OPRM1: variants seen among roughly 807,000 people sequenced by gnomAD.
OPRM1 encodes the protein opioid receptor mu 1, also known as mu-type opioid receptor.
A neutral mutation model predicts 31.8 loss-of-function variants in OPRM1; 27 were observed. The ratio of observed to expected loss-of-function variants is 0.85; its 90% confidence interval spans 0.63 to 1.17. The LOEUF is 1.17. Ranked by LOEUF, OPRM1 falls within the 50% of genes most tolerant of loss-of-function variation. The pLI is 0.00. For synonymous variants in OPRM1, 196 were observed against 189.9 expected (o/e 1.03, Z -0.26); for missense variants, 536 against 511.1 (o/e 1.05, Z -0.47).
intron 3 of OPRM1, among the ~76,000 whole-genome samples, chr6:154,210,205 T>G (rs1562543111): frequency 6.6e-6 from 1 of 152,234 alleles, no homozygotes; most frequent in African/African-American, 2.4e-5. Context: ...TTCACCAGTG[T>G]GTTCTAGATG....
chr6:154,114,889 AC>A (rs1297564325), intron 3 of OPRM1, among the ~76,000 whole-genome samples: 5 of 151,184 alleles, frequency 3.3e-5, no homozygotes, highest in African/African-American at 7.3e-5. Context: ...AAAAAAAAAA[AC>A]AAAAAACTTG....
chr6:154,138,154 A>G (rs1798105600), intron 3 of OPRM1, among the ~76,000 whole-genome samples: 1 of 152,184 alleles, frequency 6.6e-6, no homozygotes, highest in African/African-American at 2.4e-5. Flanking sequence ...TTACTAGCAT[A>G]TTCTTAAACT....
At chr6:154,175,591 G>A (rs1049806993) in intron 3 of OPRM1, among the ~76,000 whole-genome samples, 1 of 151,926 alleles carries the variant, frequency 6.6e-6, no homozygotes, top group Non-Finnish European at 1.5e-5. Flanking sequence ...AGAAATTCAT[G>A]GACACATACA....
intron 3 of OPRM1, among the ~76,000 whole-genome samples, chr6:154,100,896 T>C (rs1445114417): frequency 1.3e-5 from 2 of 148,446 alleles, no homozygotes; most frequent in Admixed American, 6.8e-5. Flanking sequence ...TATATATGTA[T>C]ATATAATCCA....
intron 3 of OPRM1, among the ~76,000 whole-genome samples, chr6:154,140,550 A>G (rs1256375049): frequency 6.6e-6 from 1 of 152,072 alleles, no homozygotes; most frequent in African/African-American, 2.4e-5. Context: ...GGCTGGTCTC[A>G]AATTCCTGAC....
intron 3 of OPRM1, among the ~76,000 whole-genome samples, chr6:154,197,054 CTCT>C (rs1056770114): frequency 6.6e-6 from 1 of 152,090 alleles, no homozygotes; most frequent in African/African-American, 2.4e-5. Flanking sequence ...GGATGAAAGC[CTCT>C]TCTTCCAGCA....
intron 1 of OPRM1, among the ~76,000 whole-genome samples, chr6:154,071,504 C>G (rs1562426440): frequency 6.6e-6 from 1 of 152,098 alleles, no homozygotes; most frequent in African/African-American, 2.4e-5. Context: ...CAAGTACACT[C>G]TATTATCCAT....
At chr6:154,086,213 C>G (rs1790528398) in intron 1 of OPRM1, among the ~76,000 whole-genome samples, 1 of 152,134 alleles carries the variant, frequency 6.6e-6, no homozygotes, top group African/African-American at 2.4e-5. Context: ...AATTGGAATT[C>G]TTAATCCTTT....
Position 154,130,946 on chromosome 6 carries a change from TTA to T in OPRM1, c.*12227_*12228del, listed in dbSNP as rs1241521470. 2.6e-5 allele frequency among the ~76,000 whole-genome samples: 4 copies of T among 152,128 alleles called. No homozygotes were observed. The highest frequency in any genetic ancestry group is 5.9e-5 in the Non-Finnish European group (4 of 68,016). ...GAGTGATCTTGTTGTTTTCATTTTA[TTA>T]TGTTATATGAAAAAAAGAAACCTTG... On this transcript the variant is annotated 3_prime_UTR_variant, in exon 4 of 4. Transcript: ENST00000330432.
At chr6:154,244,772 C>T (rs1361149766) in intron 3 of OPRM1, among the ~76,000 whole-genome samples, 1 of 152,198 alleles carries the variant, frequency 6.6e-6, no homozygotes. Flanking sequence ...GGGACAGCAG[C>T]CAGAACATAT....
At position 154,168,365 on chromosome 6, in the gene OPRM1, G is replaced by T. The variant is rs1157894869; in HGVS notation, c.1164+76893G>T. ...CAAGCCTCTCTCCTGGCTTCAAGTG[G>T]TTTTTTGGTTTGTGGCAGTATAACT... On this transcript the variant is annotated intron_variant, in intron 3 of 3. Transcript: ENST00000337049. The surrounding 1 kb of genome is among the most constrained non-coding windows in gnomAD (Gnocchi z 4.1). Among the ~76,000 whole-genome samples, 1 of 152,088 alleles carries T rather than the reference G, an allele frequency of 6.6e-6. No homozygotes were observed. The highest frequency in any genetic ancestry group is 1.5e-5 in the Non-Finnish European group (1 of 68,026).
intron 3 of OPRM1, among the ~76,000 whole-genome samples, chr6:154,203,838 C>T (rs928070778): frequency 3.3e-5 from 5 of 152,246 alleles, no homozygotes; most frequent in South Asian, 2.1e-4. Flanking sequence ...TGAAGAAAAG[C>T]GCCCCAGAGT....
At chr6:154,010,596 G>A (rs1207602771) in exon 1 of OPRM1, 15 of 1,535,904 alleles carry the variant, frequency 9.8e-6, no homozygotes, top group African/African-American at 1.4e-5. Flanking sequence ...GAGCTCAAAG[G>A]AAGTGTGATC....
intron 3 of OPRM1, among the ~76,000 whole-genome samples, chr6:154,177,575 A>G (rs541976055): frequency 1.4e-3 from 215 of 152,356 alleles, no homozygotes; most frequent in African/African-American, 5.1e-3. Context: ...AATGCAAATC[A>G]AAACCACAAT....
chr6:154,207,239 T>G (rs949149067), intron 3 of OPRM1, among the ~76,000 whole-genome samples: 4 of 152,216 alleles, frequency 2.6e-5, no homozygotes, highest in African/African-American at 9.7e-5. Context: ...GAAGATGAGC[T>G]GTTAAAGCCA....
At chr6:154,220,245 A>G (rs1401066487) in intron 3 of OPRM1, among the ~76,000 whole-genome samples, 1 of 152,186 alleles carries the variant, frequency 6.6e-6, no homozygotes, top group African/African-American at 2.4e-5. Context: ...TTCCATTAAC[A>G]TATTTTCAAT....
chr6:154,072,161 G>T (rs896987209), intron 1 of OPRM1, among the ~76,000 whole-genome samples: 4 of 152,168 alleles, frequency 2.6e-5, no homozygotes, highest in Admixed American at 6.5e-5. Flanking sequence ...GGAAGGTATG[G>T]TTTATTCTTA....
At chr6:154,152,679 T>C (rs1293349973) in intron 3 of OPRM1, among the ~76,000 whole-genome samples, 1 of 150,180 alleles carries the variant, frequency 6.7e-6, no homozygotes, top group Non-Finnish European at 1.5e-5. Context: ...GATCTGATAA[T>C]TAAAATATTG....
chr6:154,115,725 G>C (rs2128521859), intron 3 of OPRM1, among the ~76,000 whole-genome samples: 1 of 152,310 alleles, frequency 6.6e-6, no homozygotes, highest in Admixed American at 6.5e-5. Flanking sequence ...CTGAGGGGGT[G>C]ATCTGCCCTG....
Sources: allele counts gnomAD v4.1 joint callset (sites outside exome capture counted in the v4.1 genomes callset), GRCh38; gene constraint gnomAD v4.1.1; non-coding constraint Gnocchi (gnomAD v3.1); transcripts MANE v1.5; gene names NCBI Gene and HGNC (gene_info 2026-07-23, HGNC 2026-07-21).